Variants in KCNQ5 observed in about 807,000 individuals in gnomAD.
KCNQ5 encodes the protein potassium voltage-gated channel subfamily Q member 5, also known as potassium voltage-gated channel subfamily KQT member 5.
A neutral mutation model predicts 98.2 loss-of-function variants in KCNQ5; 30 were observed. The observed-to-expected ratio is 0.31, with a 90% CI of 0.23 to 0.41. The LOEUF (loss-of-function observed/expected upper bound fraction) is 0.41. Among genes scored for constraint, KCNQ5 ranks in the 10% least tolerant of loss-of-function variants. KCNQ5 has a pLI of 1.00. For missense variants in KCNQ5, 835 were observed against 1,182.5 expected, an observed-to-expected ratio of 0.71 and a Z score of 4.31; for synonymous variants, 458 against 449.4, an observed-to-expected ratio of 1.02 and a Z score of -0.24.
intron 1 of KCNQ5, among the ~76,000 whole-genome samples, chr6:72,775,150 T>C (rs1773099055): frequency 6.6e-6 from 1 of 152,140 alleles, no homozygotes; most frequent in African/African-American, 2.4e-5. Flanking sequence ...CAACTATACA[T>C]ATGGAAAGAC....
intron 4 of KCNQ5, 45 bp from the exon 5 acceptor site, chr6:73,077,716 CA>C: frequency 6.5e-7 from 1 of 1,548,518 alleles, no homozygotes; most frequent in East Asian, 2.2e-5. Flanking sequence ...TTTCCTTTTT[CA>C]AAGATTTCCC....
chr6:73,010,521 C>A (rs60410946), intron 2 of KCNQ5, among the ~76,000 whole-genome samples: 8,143 of 151,596 alleles, frequency 0.054, 748 homozygotes, highest in African/African-American at 0.19. Flanking sequence ...TAATTGCTAG[C>A]TAGAGCAATT....
intron 1 of KCNQ5, among the ~76,000 whole-genome samples, chr6:72,859,057 T>G (rs1777648693): frequency 1.3e-5 from 2 of 152,200 alleles, no homozygotes. Flanking sequence ...GTTTTCATCC[T>G]TATTCAGATT....
At chr6:72,987,612 GCAGAACCTGCA>G in intron 1 of KCNQ5, 1 of 591,568 alleles carries the variant, frequency 1.7e-6, no homozygotes, top group Non-Finnish European at 3.1e-6. Flanking sequence ...AGAACCTGCA[GCAGAACCTGCA>G]GCAGGACTGT....
intron 1 of KCNQ5, among the ~76,000 whole-genome samples, chr6:72,953,255 A>C (rs2150256442): frequency 6.6e-6 from 1 of 152,304 alleles, no homozygotes; most frequent in Non-Finnish European, 1.5e-5. Context: ...TGATTAATTA[A>C]CATTTTTTCA....
At chr6:72,944,758 C>T (rs957262642) in intron 1 of KCNQ5, among the ~76,000 whole-genome samples, 1 of 152,152 alleles carries the variant, frequency 6.6e-6, no homozygotes, top group Admixed American at 6.5e-5. Context: ...CTCAAACCAG[C>T]AGCTGAAGGA....
chr6:73,159,363 GGA>G (rs768241961), intron 10 of KCNQ5, among the ~76,000 whole-genome samples: 18 of 152,286 alleles, frequency 1.2e-4, no homozygotes, highest in Non-Finnish European at 2.2e-4. Flanking sequence ...GATGGTGGGA[GGA>G]GAGAGAGGAT....
intron 1 of KCNQ5, among the ~76,000 whole-genome samples, chr6:72,661,318 C>G (rs1464385074): frequency 6.6e-6 from 1 of 152,002 alleles, no homozygotes; most frequent in Non-Finnish European, 1.5e-5. Context: ...ATTTCTAAAA[C>G]TATCTCCATA....
intron 1 of KCNQ5, chr6:72,987,061 G>T (rs9446805): frequency 2.8e-6 from 2 of 714,336 alleles, no homozygotes; most frequent in African/African-American, 3.5e-5. Context: ...TCCATGGAGA[G>T]CAGCCCTAGG....
At chr6:72,959,928 CT>C (rs1767254271) in intron 1 of KCNQ5, among the ~76,000 whole-genome samples, 1 of 152,182 alleles carries the variant, frequency 6.6e-6, no homozygotes, top group Admixed American at 6.5e-5. Flanking sequence ...TCATCTAAGA[CT>C]TGAAAACAAA....
chr6:72,793,670 A>C (rs1319609177), intron 1 of KCNQ5, among the ~76,000 whole-genome samples: 2 of 152,248 alleles, frequency 1.3e-5, no homozygotes, highest in Non-Finnish European at 2.9e-5. Context: ...TAAGATCAAG[A>C]ACAATTCTGA....
In KCNQ5 at chr6:73,077,305, C is replaced by T. The variant is rs369502782; in HGVS notation, c.617-17C>T. 2.1e-4 allele frequency: 342 copies of T among 1,609,564 alleles called. No homozygotes were observed. The highest frequency in any genetic ancestry group is 2.8e-4 in the Non-Finnish European group (325 of 1,177,602). ...CTGGTCGTGCTAACTGTGGCTATTT[C>T]GACCTGTTTCTTTCAGATACCATTG... On this transcript the variant is annotated splice_polypyrimidine_tract_variant and intron_variant, in intron 3 of 13. Coordinates refer to ENST00000370398, the MANE Select transcript of KCNQ5 (RefSeq NM_019842.4).
At chr6:72,727,946 A>G (rs565385575) in intron 1 of KCNQ5, among the ~76,000 whole-genome samples, 1 of 152,280 alleles carries the variant, frequency 6.6e-6, no homozygotes, top group South Asian at 2.1e-4. Flanking sequence ...CAGGAGCTAT[A>G]TGAGGCAGGG....
chr6:72,867,963 ACTACTAC>A (rs1251843896), intron 1 of KCNQ5, among the ~76,000 whole-genome samples: 21 of 151,250 alleles, frequency 1.4e-4, no homozygotes, highest in Non-Finnish European at 2.5e-4. Context: ...TACTACTACT[ACTACTAC>A]TAATAATAAT....
At position 72,686,857 on chromosome 6, in the gene KCNQ5, A is replaced by G. The variant is rs552199284; in HGVS notation, c.398+64270A>G. Reference sequence around the variant, plus strand: ...TTTTAATGTTACTCAGGTGTTCTGTATCTGTTTATTTCTTCAGAAAAAAAT... The same window carrying G: ...TTTTAATGTTACTCAGGTGTTCTGTGTCTGTTTATTTCTTCAGAAAAAAAT... On this transcript the variant is annotated intron_variant, in intron 1 of 13. Coordinates refer to ENST00000370398, the MANE Select transcript of KCNQ5 (RefSeq NM_019842.4). Among the ~76,000 whole-genome samples the G allele has an allele frequency of 4.0e-5, 6 of 151,084 alleles. No homozygotes were observed. The South Asian group carries it at 1.3e-3, about 32-fold the overall frequency.
intron 3 of KCNQ5, among the ~76,000 whole-genome samples, chr6:73,046,894 C>T (rs1771991229): frequency 1.3e-5 from 2 of 152,146 alleles, no homozygotes; most frequent in African/African-American, 4.8e-5. Context: ...CCACCCGCCT[C>T]AGCGTCCCAA....
At chr6:72,929,038 A>G (rs979050252) in intron 1 of KCNQ5, among the ~76,000 whole-genome samples, 1 of 152,132 alleles carries the variant, frequency 6.6e-6, no homozygotes, top group Admixed American at 6.6e-5. Context: ...GATCACTATG[A>G]TTATATAATT....
chr6:73,118,238 G>A (rs1026434271), intron 7 of KCNQ5, among the ~76,000 whole-genome samples: 54 of 152,288 alleles, frequency 3.5e-4, no homozygotes, highest in African/African-American at 1.2e-3. Flanking sequence ...GCGTAGAATA[G>A]TTTTCCCTGG....
At chr6:72,944,347 T>G (rs1376774995) in intron 1 of KCNQ5, among the ~76,000 whole-genome samples, 2 of 152,200 alleles carry the variant, frequency 1.3e-5, no homozygotes, top group Non-Finnish European at 2.9e-5. Flanking sequence ...TCTAATAATT[T>G]CATGCACCAG....
Sources: allele counts gnomAD v4.1 joint callset (sites outside exome capture counted in the v4.1 genomes callset), GRCh38; gene constraint gnomAD v4.1.1; transcripts MANE v1.5; gene names NCBI Gene and HGNC (gene_info 2026-07-23, HGNC 2026-07-21).